The following GREB1L variants were observed in gnomAD, a reference collection of about 807,000 sequenced individuals.
The protein encoded by GREB1L is GREB1 like retinoic acid receptor coactivator, also known as GREB1-like protein.
A neutral mutation model predicts 200.8 loss-of-function variants in GREB1L; 17 were observed. The observed-to-expected ratio is 0.08, with a 90% confidence interval of 0.06 to 0.13. GREB1L has a LOEUF of 0.13. Ranked by LOEUF, GREB1L falls within the 10% of genes least tolerant of loss-of-function variation. The pLI is 1.00. For missense variants in GREB1L, 1,657 were observed against 2,367.7 expected (o/e 0.70, Z 6.23); for synonymous variants, 789 against 893.0 (o/e 0.88, Z 2.08).
intron 1 of GREB1L, among the ~76,000 whole-genome samples, chr18:21,246,019 G>A (rs2037594501): frequency 6.6e-6 from 1 of 152,156 alleles, no homozygotes; most frequent in Non-Finnish European, 1.5e-5. Flanking sequence ...ACCATGCCTG[G>A]CCTATAATGC....
At chr18:21,313,934 A>G (rs552428239) in intron 1 of GREB1L, among the ~76,000 whole-genome samples, 1 of 152,302 alleles carries the variant, frequency 6.6e-6, no homozygotes, top group Admixed American at 6.5e-5. Context: ...CACTGTTTGT[A>G]TGGGTTTTTT....
chr18:21,475,929 A>G (rs890016370), intron 16 of GREB1L, among the ~76,000 whole-genome samples: 1 of 129,998 alleles, frequency 7.7e-6, no homozygotes, highest in African/African-American at 2.9e-5. Context: ...AGATTATGCC[A>G]CTGCACTCCA....
chr18:21,324,558 T>A (rs1158700637), intron 1 of GREB1L, among the ~76,000 whole-genome samples: 2 of 152,238 alleles, frequency 1.3e-5, no homozygotes, highest in Non-Finnish European at 1.5e-5. Flanking sequence ...ATGCCTGTAA[T>A]CCCAGCACTT....
intron 1 of GREB1L, among the ~76,000 whole-genome samples, chr18:21,277,091 G>A (rs1459930912): frequency 6.6e-6 from 1 of 152,040 alleles, no homozygotes; most frequent in Non-Finnish European, 1.5e-5. Context: ...ACCACGCCCA[G>A]CCAATTTTTT....
rs1297793528 is a variant in GREB1L at position 21,505,925 on chromosome 18, C to T, written c.4344C>T (p.Tyr1448=). 6 of 1,552,238 alleles carry T rather than the reference C, an allele frequency of 3.9e-6. No homozygotes were observed. Among genetic ancestry groups the T allele is most frequent in the Middle Eastern group, 1.7e-4 (1 of 5,998 alleles). Residue 1448 remains tyrosine, a synonymous_variant, in exon 25 of 33, where the codon TAC becomes TAT. Transcript: ENST00000424526. ...TFHHCEQCRQ[Y]MDFTSASQMS... is the part of the protein sequence containing the mutation. Reference sequence around the variant, plus strand: ...ACCACTGTGAACAGTGCCGCCAGTACATGGACTTCACCTCTGCCTCCCAGG... The same window carrying T: ...ACCACTGTGAACAGTGCCGCCAGTATATGGACTTCACCTCTGCCTCCCAGG...
intron 3 of GREB1L, among the ~76,000 whole-genome samples, chr18:21,383,957 G>T (rs1188233480): frequency 6.6e-6 from 1 of 151,840 alleles, no homozygotes; most frequent in Non-Finnish European, 1.5e-5. Flanking sequence ...CTCGTGATCC[G>T]CCCGCCTCCG....
Position 21,523,150 on chromosome 18 carries a change from G to A in GREB1L, c.*329G>A, listed in dbSNP as rs1264577344. 1 of 176,944 alleles carries A rather than the reference G, an allele frequency of 5.7e-6. No homozygotes were observed. The highest frequency in any genetic ancestry group is 6.2e-5 in the Admixed American group (1 of 16,224). 11.0% of individuals were successfully genotyped at this position (176,944 alleles called of 1,614,324 possible). A position where few individuals can be genotyped will look rare whatever the true frequency, so the allele number is the denominator to read the frequency against. On this transcript the variant is annotated 3_prime_UTR_variant, in exon 33 of 33. Transcript: ENST00000424526. ...TTGCATTATTTTTTTCTATTACTAT[G>A]TTAGGGGGAAACTGACTGTCAGGAT...
chr18:21,459,793 G>A (rs28418681), intron 15 of GREB1L, among the ~76,000 whole-genome samples: 1,791 of 152,182 alleles, frequency 0.012, 41 homozygotes, highest in African/African-American at 0.041. Flanking sequence ...CAGGGAACAG[G>A]TGCCCAGGAA....
intron 5 of GREB1L, among the ~76,000 whole-genome samples, chr18:21,396,835 A>C (rs562630428): frequency 6.6e-6 from 1 of 152,258 alleles, no homozygotes; most frequent in Non-Finnish European, 1.5e-5. Context: ...TAAATAATTA[A>C]AAAGATAAGA....
At chr18:21,245,871 C>A (rs2037590182) in intron 1 of GREB1L, among the ~76,000 whole-genome samples, 1 of 152,138 alleles carries the variant, frequency 6.6e-6, no homozygotes, top group Non-Finnish European at 1.5e-5. Context: ...GCGCCTGCCA[C>A]CACGCCTGGC....
intron 7 of GREB1L, among the ~76,000 whole-genome samples, chr18:21,420,791 C>A (rs981983735): frequency 6.6e-6 from 1 of 152,062 alleles, no homozygotes; most frequent in African/African-American, 2.4e-5. Flanking sequence ...TAGGTGTTTA[C>A]CAGAGGGGAA....
At chr18:21,508,711 T>C in intron 27 of GREB1L, 120 bp downstream of exon 27, 1 of 565,090 alleles carries the variant, frequency 1.8e-6, no homozygotes, top group East Asian at 3.0e-5. Flanking sequence ...CTCACCACTC[T>C]TCGGAAAAAA....
At chr18:21,512,167 A>G (rs375362707) in intron 27 of GREB1L, among the ~76,000 whole-genome samples, 13 of 152,126 alleles carry the variant, frequency 8.5e-5, no homozygotes, top group African/African-American at 2.4e-4. Context: ...TGTTTTGGCT[A>G]TTTGGGGTCC....
At chr18:21,354,919 T>G (rs2039482666) in intron 1 of GREB1L, among the ~76,000 whole-genome samples, 1 of 152,180 alleles carries the variant, frequency 6.6e-6, no homozygotes, top group Admixed American at 6.5e-5. Context: ...TCTCGAAGGC[T>G]TTTAGCAAAG....
intron 1 of GREB1L, among the ~76,000 whole-genome samples, chr18:21,257,228 A>C (rs1450232688): frequency 6.6e-6 from 1 of 152,074 alleles, no homozygotes; most frequent in East Asian, 1.9e-4. Context: ...TCGGCTTCCC[A>C]AAGTGCTGGG....
At chr18:21,451,197 T>A (rs2034504115) in intron 13 of GREB1L, 46 bp downstream of exon 13, 1 of 1,540,074 alleles carries the variant, frequency 6.5e-7, no homozygotes, top group Non-Finnish European at 8.8e-7. Flanking sequence ...CCTAGTTGTA[T>A]GATTTTCTGA....
intron 1 of GREB1L, among the ~76,000 whole-genome samples, chr18:21,289,581 A>G (rs896973082): frequency 9.2e-5 from 14 of 152,048 alleles, no homozygotes; most frequent in Non-Finnish European, 1.6e-4. Flanking sequence ...TCCTTAACAT[A>G]TGTATCTATT....
intron 7 of GREB1L, among the ~76,000 whole-genome samples, chr18:21,428,503 CT>C (rs2032831485): frequency 6.6e-6 from 1 of 150,872 alleles, no homozygotes; most frequent in African/African-American, 2.4e-5. Context: ...ACCTGTGTCT[CT>C]TGAGATGATC....
At chr18:21,305,605 C>A (rs528882741) in intron 1 of GREB1L, among the ~76,000 whole-genome samples, 29 of 152,096 alleles carry the variant, frequency 1.9e-4, no homozygotes, top group Middle Eastern at 3.4e-3. Flanking sequence ...ACTACAATGG[C>A]CTTCTCTCCC....
Sources: allele counts gnomAD v4.1 joint callset (sites outside exome capture counted in the v4.1 genomes callset), GRCh38; gene constraint gnomAD v4.1.1; transcripts MANE v1.5; gene names NCBI Gene and HGNC (gene_info 2026-07-23, HGNC 2026-07-21).